TESK2: variants seen among roughly 807,000 people sequenced by gnomAD.
TESK2 encodes the protein dual specificity testis-specific protein kinase 2.
In TESK2, 39 loss-of-function variants were observed where a neutral mutation model predicts 57.1. The ratio of observed to expected loss-of-function variants is 0.68; its 90% confidence interval spans 0.53 to 0.89. The LOEUF is 0.89. TESK2 is among the 40% of genes least tolerant of loss of function. The pLI is 0.00. For missense variants in TESK2, 646 were observed against 732.1 expected (o/e 0.88, Z 1.36); for synonymous variants, 249 against 267.9 (o/e 0.93, Z 0.69).
chr1:45,467,493 G>A (rs908769033), intron 1 of TESK2, among the ~76,000 whole-genome samples: 4 of 151,750 alleles, frequency 2.6e-5, no homozygotes, highest in African/African-American at 4.8e-5. Context: ...CACCACACCC[G>A]GCTAATTTTT....
intron 1 of TESK2, among the ~76,000 whole-genome samples, chr1:45,480,921 G>A (rs1379351558): frequency 6.6e-6 from 1 of 151,844 alleles, no homozygotes; most frequent in Non-Finnish European, 1.5e-5. Flanking sequence ...CCGGGAAATG[G>A]AGGTTGCAGT....
chr1:45,345,697 G>T, intron 10 of TESK2, 139 bp from the exon 11 acceptor site: 1 of 957,800 alleles, frequency 1.0e-6, no homozygotes, highest in East Asian at 2.4e-5. Flanking sequence ...GACTCAGAGA[G>T]GGGAAGCAGT....
intron 4 of TESK2, among the ~76,000 whole-genome samples, chr1:45,379,309 C>T (rs1016604890): frequency 3.9e-5 from 6 of 152,142 alleles, no homozygotes; most frequent in Admixed American, 3.9e-4. Flanking sequence ...ACCACAGGCA[C>T]AAACTATCAT....
At position 45,488,419 on chromosome 1, in the gene TESK2, A is replaced by C. The variant is rs542419283; in HGVS notation, c.-87+2433T>G. Among the ~76,000 whole-genome samples, 3 of 152,232 alleles carry C rather than the reference A, an allele frequency of 2.0e-5. No individual in the cohort carries two copies. In the East Asian group the frequency reaches 5.8e-4, roughly 29 times the overall value. ...TTCTACCACATCATTATCCATTTTC[A>C]CTACTATCCTTTTGGTGTCAAAGGG... is the stretch of plus-strand genomic sequence containing the variant. On this transcript the variant is annotated intron_variant, in intron 1 of 10. Transcript: ENST00000372086.
intron 4 of TESK2, among the ~76,000 whole-genome samples, chr1:45,377,471 T>C (rs1469580348): frequency 6.8e-6 from 1 of 147,882 alleles, no homozygotes; most frequent in Admixed American, 6.8e-5. Flanking sequence ...CAGGCTGGAG[T>C]GCAGTGGTGC....
At chr1:45,486,782 T>TACACGCACACACACACACAC (rs1553160297) in intron 1 of TESK2, among the ~76,000 whole-genome samples, 1 of 115,868 alleles carries the variant, frequency 8.6e-6, no homozygotes, top group Non-Finnish European at 1.6e-5. Flanking sequence ...CCTCCCAGCA[T>TACACGCACACACACACACAC]ACACACACAC....
chr1:45,407,198 A>C (rs1649880904), intron 3 of TESK2, among the ~76,000 whole-genome samples: 1 of 151,758 alleles, frequency 6.6e-6, no homozygotes, highest in Admixed American at 6.6e-5. Flanking sequence ...AGATCCTCCC[A>C]CCTCAGCCTC....
chr1:45,469,602 G>A (rs765725215), intron 1 of TESK2, among the ~76,000 whole-genome samples: 2 of 152,124 alleles, frequency 1.3e-5, no homozygotes, highest in African/African-American at 4.8e-5. Flanking sequence ...GGTTAGCTAC[G>A]TAGAAAGCTA....
chr1:45,458,139 C>T (rs573566290), intron 1 of TESK2, among the ~76,000 whole-genome samples: 1 of 152,320 alleles, frequency 6.6e-6, no homozygotes, highest in Admixed American at 6.5e-5. Flanking sequence ...ATTCATTGAG[C>T]ACCTACTTTC....
At chr1:45,393,535 G>A (rs1649231322) in intron 3 of TESK2, among the ~76,000 whole-genome samples, 1 of 152,170 alleles carries the variant, frequency 6.6e-6, no homozygotes, top group Non-Finnish European at 1.5e-5. Context: ...GAGGTCAAGA[G>A]ATCAAGACCA....
rs747434275 is a variant in TESK2, at chr1:45,421,705, A to C, written c.344+20T>G. ...ATGTTTCAGTTTTCTCATTGATCAG[A>C]AGGAAGGAAAAGCCATTACCTAAGG... On this transcript the variant is annotated intron_variant, in intron 3 of 10. Transcript: ENST00000372086. The C allele has an allele frequency of 6.2e-7, 1 of 1,613,724 alleles. No homozygotes were observed. Among genetic ancestry groups the C allele is most frequent in the Non-Finnish European group, 8.5e-7 (1 of 1,179,884 alleles).
intron 1 of TESK2, among the ~76,000 whole-genome samples, chr1:45,461,148 GC>G (rs895544354): frequency 1.5e-5 from 2 of 135,362 alleles, no homozygotes; most frequent in Non-Finnish European, 3.2e-5. Context: ...GGTGTGAACT[GC>G]CCCTGGCCAC....
intron 4 of TESK2, among the ~76,000 whole-genome samples, chr1:45,382,927 G>A (rs1275068285): frequency 1.3e-5 from 2 of 152,084 alleles, no homozygotes; most frequent in Admixed American, 6.6e-5. Flanking sequence ...TAAAAACTAA[G>A]TGTCTGACTG....
chr1:45,416,424 CACACCCA>C (rs1650246092), intron 3 of TESK2, among the ~76,000 whole-genome samples: 1 of 152,004 alleles, frequency 6.6e-6, no homozygotes, highest in Non-Finnish European at 1.5e-5. Flanking sequence ...CAGGTGTGGG[CACACCCA>C]ACCTAAAGCC....
chr1:45,463,801 A>T (rs1384245418), intron 1 of TESK2, among the ~76,000 whole-genome samples: 1 of 151,878 alleles, frequency 6.6e-6, no homozygotes, highest in Non-Finnish European at 1.5e-5. Context: ...GTTGCCCAGG[A>T]TCATCTCAAA....
At chr1:45,421,600 A>G in intron 3 of TESK2, 125 bp downstream of exon 3, 1 of 1,368,090 alleles carries the variant, frequency 7.3e-7, no homozygotes, top group Non-Finnish European at 1.0e-6. Flanking sequence ...GTACCACTAA[A>G]CCCCAGCAAG....
At chr1:45,405,971 C>T (rs554601026) in intron 3 of TESK2, among the ~76,000 whole-genome samples, 44 of 152,084 alleles carry the variant, frequency 2.9e-4, no homozygotes, top group African/African-American at 9.9e-4. Context: ...ACCTGCAATC[C>T]CAGTATTTTG....
At chr1:45,470,903 G>A (rs570705020) in intron 1 of TESK2, among the ~76,000 whole-genome samples, 271 of 152,228 alleles carry the variant, frequency 1.8e-3, no homozygotes, top group Non-Finnish European at 2.9e-3. Context: ...GTAAACGAAG[G>A]CATTAAGGAA....
Position 45,345,215 on chromosome 1 carries a change from CA to C in TESK2, c.1340del (p.Leu447ArgfsTer40). The C allele has an allele frequency of 1.2e-6, 2 of 1,614,172 alleles. No individual in the cohort carries two copies. The highest frequency in any genetic ancestry group is 1.7e-6 in the Non-Finnish European group (2 of 1,180,024). On this transcript the variant is annotated frameshift_variant, in exon 11 of 11. Coordinates refer to ENST00000372086, the MANE Select transcript of TESK2 (RefSeq NM_007170.3). LOFTEE classifies it high-confidence loss of function. Reference sequence around the variant, plus strand: ...AACGCCACCGGCGAATAGGTGGGGCCAGGGGCTCCTGCCAGTCAGCCAGGGG... The same window carrying C: ...AACGCCACCGGCGAATAGGTGGGGCCGGGGCTCCTGCCAGTCAGCCAGGGG... ...TMPLADWQEP[L>X]APPIRRWRSL...
Sources: gnomAD v4.1 joint callset for allele counts (sites outside exome capture counted in the v4.1 genomes callset) on GRCh38, gnomAD v4.1.1 for gene constraint, MANE v1.5 for transcripts, NCBI Gene and HGNC (gene_info 2026-07-23, HGNC 2026-07-21) for gene names.